MAGI2: variants seen among roughly 807,000 people sequenced by gnomAD.
The protein encoded by MAGI2 is membrane associated guanylate kinase, WW and PDZ domain containing 2.
In MAGI2, 35 loss-of-function variants were observed where a neutral mutation model predicts 133.3. The observed-to-expected ratio is 0.26, with a 90% CI of 0.20 to 0.35. MAGI2 has a LOEUF of 0.35. Among genes scored for constraint, MAGI2 ranks in the 10% least tolerant of loss-of-function variants. The pLI is 1.00. For synonymous variants in MAGI2, 729 were observed against 710.6 expected (o/e 1.03, Z -0.41); for missense variants, 1,636 against 1,863.4 (o/e 0.88, Z 2.25).
rs554834537 is a variant in MAGI2, at chr7:78,454,573, A to T, written c.1045+35188T>A. 2.3e-4 allele frequency among the ~76,000 whole-genome samples: 35 copies of T among 152,296 alleles called. No individual in the cohort carries two copies. The South Asian group carries it at 2.9e-3, about 13-fold the overall frequency. ...CCAGCAATCGCATTCCTGGTTATTT[A>T]TCCAAATGAGTTCAAAACTTATGTC... On this transcript the variant is annotated intron_variant, in intron 6 of 21. Transcript: ENST00000354212.
rs904773536 is a variant in MAGI2 at position 79,220,800 on chromosome 7, A to G, written c.302-213594T>C. Among the ~76,000 whole-genome samples, 6 of 152,104 alleles carry G rather than the reference A, an allele frequency of 3.9e-5. 1 individual carries two copies. The highest frequency in any genetic ancestry group is 1.5e-4 in the African/African-American group (6 of 41,360). Reference sequence around the variant, plus strand: ...TTAAAATACTGAAAAACCTGGTCACAGTGAGGAAATCATAGGCATTCACGC... The same window carrying G: ...TTAAAATACTGAAAAACCTGGTCACGGTGAGGAAATCATAGGCATTCACGC... On this transcript the variant is annotated intron_variant, in intron 1 of 21. Transcript: ENST00000354212.
intron 2 of MAGI2, among the ~76,000 whole-genome samples, chr7:78,931,069 T>C (rs945797205): frequency 9.2e-5 from 14 of 152,032 alleles, no homozygotes; most frequent in Admixed American, 7.9e-4. Context: ...AGTGACAGAT[T>C]AGTTGGGAGG....
chr7:78,699,377 T>C (rs1018945615), intron 2 of MAGI2, among the ~76,000 whole-genome samples: 3 of 152,134 alleles, frequency 2.0e-5, no homozygotes, highest in South Asian at 2.1e-4. Context: ...CTGGGATTAC[T>C]AGTGTGAGCC....
intron 1 of MAGI2, among the ~76,000 whole-genome samples, chr7:79,348,919 G>T (rs912942317): frequency 2.0e-5 from 3 of 151,850 alleles, no homozygotes; most frequent in Admixed American, 6.6e-5. Context: ...ACCTATTTAA[G>T]ACAACAGGAG....
At chr7:78,841,548 G>T (rs1792143854) in intron 2 of MAGI2, among the ~76,000 whole-genome samples, 2 of 150,674 alleles carry the variant, frequency 1.3e-5, no homozygotes, top group African/African-American at 2.4e-5. Flanking sequence ...ATCCCCTCTT[G>T]TACTTTGACA....
At position 78,633,713 on chromosome 7, in the gene MAGI2, A is replaced by C. The variant is rs188435333; in HGVS notation, c.419-6474T>G. Among the ~76,000 whole-genome samples, 839 of 151,818 alleles carry C rather than the reference A, an allele frequency of 5.5e-3. 4 individuals are homozygous for C. Among genetic ancestry groups the C allele is most frequent in the African/African-American group, 0.019 (790 of 41,406 alleles). The stretch of plus-strand genomic sequence containing the variant: ...AGAGCGAGACTCCGTCTCAAAAAAA[A>C]AAAAAAAAAAAAAGTGAGAGAATGC... On this transcript the variant is annotated intron_variant, in intron 2 of 21. Coordinates refer to ENST00000354212, the MANE Select transcript of MAGI2 (RefSeq NM_012301.4).
intron 1 of MAGI2, among the ~76,000 whole-genome samples, chr7:79,393,202 A>G (rs1403399110): frequency 1.3e-5 from 2 of 152,188 alleles, no homozygotes; most frequent in Non-Finnish European, 2.9e-5. Flanking sequence ...GATTTATTGT[A>G]AAGACTTAAA....
At chr7:78,749,893 T>A (rs1022099011) in intron 2 of MAGI2, among the ~76,000 whole-genome samples, 12 of 152,176 alleles carry the variant, frequency 7.9e-5, no homozygotes, top group African/African-American at 2.4e-4. Context: ...ATTGAGAATT[T>A]TTTTTCATAC....
chr7:79,435,059 C>T (rs1438868285), intron 1 of MAGI2, among the ~76,000 whole-genome samples: 1 of 152,180 alleles, frequency 6.6e-6, no homozygotes, highest in African/African-American at 2.4e-5. Flanking sequence ...TGGAACATAA[C>T]ATCAGTGTTC....
At position 79,191,406 on chromosome 7, in the gene MAGI2, T is replaced by C. The variant is rs796345579; in HGVS notation, c.302-184200A>G. Among the ~76,000 whole-genome samples the C allele has an allele frequency of 2.6e-3, 219 of 84,080 alleles. 1 individual carries two copies. The highest frequency in any genetic ancestry group is 6.7e-3 in the African/African-American group (104 of 15,544). The allele number at this position is 84,080 out of a possible 152,430, so 55.2% of individuals were successfully genotyped here. On this transcript the variant is annotated intron_variant, in intron 1 of 21. Coordinates refer to ENST00000354212, the MANE Select transcript of MAGI2 (RefSeq NM_012301.4). ...TTTTTCTTTTTCTTTTTCTTTCTTT[T>C]TTTTTTTTTTTTTTTTTTTTTTTTT...
At chr7:78,114,926 G>A (rs1819712113) in intron 20 of MAGI2, among the ~76,000 whole-genome samples, 1 of 152,198 alleles carries the variant, frequency 6.6e-6, no homozygotes, top group African/African-American at 2.4e-5. Flanking sequence ...CTGTGAGAGG[G>A]GGCAACTGCC....
intron 9 of MAGI2, among the ~76,000 whole-genome samples, chr7:78,308,281 C>G (rs796393118): frequency 3.0e-4 from 45 of 152,296 alleles, no homozygotes; most frequent in African/African-American, 8.2e-4. Flanking sequence ...TGTCTGGACA[C>G]TCTGAGGCCA....
intron 3 of MAGI2, among the ~76,000 whole-genome samples, chr7:78,609,368 G>T (rs1180657562): frequency 6.6e-6 from 1 of 152,124 alleles, no homozygotes; most frequent in Non-Finnish European, 1.5e-5. Context: ...ACATGACTAT[G>T]CTTCATACAA....
chr7:78,491,695 C>T (rs1793618847), intron 5 of MAGI2, among the ~76,000 whole-genome samples: 1 of 151,964 alleles, frequency 6.6e-6, no homozygotes, highest in Non-Finnish European at 1.5e-5. Context: ...TTCTGGCCCT[C>T]GTTTGCATGT....
intron 3 of MAGI2, among the ~76,000 whole-genome samples, chr7:78,565,426 T>C (rs1368673658): frequency 2.6e-5 from 4 of 151,478 alleles, no homozygotes; most frequent in African/African-American, 9.7e-5. Context: ...GATTACACTA[T>C]TGCACTCATG....
intron 20 of MAGI2, among the ~76,000 whole-genome samples, chr7:78,125,089 C>T (rs1385470526): frequency 1.3e-5 from 2 of 152,158 alleles, no homozygotes; most frequent in Non-Finnish European, 2.9e-5. Flanking sequence ...TGTTCTCCAT[C>T]TCTTGACCTT....
chr7:78,093,694 C>T (rs937022755), intron 20 of MAGI2, among the ~76,000 whole-genome samples: 18 of 152,172 alleles, frequency 1.2e-4, no homozygotes, highest in Non-Finnish European at 7.3e-5. Context: ...CTCTATCATA[C>T]GTTCTAACTA....
chr7:78,467,759 T>C (rs1369996300), intron 6 of MAGI2, among the ~76,000 whole-genome samples: 1 of 152,092 alleles, frequency 6.6e-6, no homozygotes, highest in Non-Finnish European at 1.5e-5. Context: ...TTTACTATAA[T>C]AACATTTTTA....
At chr7:78,482,017 G>A (rs1792441966) in intron 6 of MAGI2, among the ~76,000 whole-genome samples, 1 of 151,850 alleles carries the variant, frequency 6.6e-6, no homozygotes, top group Non-Finnish European at 1.5e-5. Flanking sequence ...TATCTGTAAG[G>A]ATATGTAAAG....
Sources: allele counts gnomAD v4.1 joint callset (sites outside exome capture counted in the v4.1 genomes callset), GRCh38; gene constraint gnomAD v4.1.1; transcripts MANE v1.5; gene names NCBI Gene and HGNC (gene_info 2026-07-23, HGNC 2026-07-21).